The following PRMT8 variants were observed in gnomAD, a reference collection of about 807,000 sequenced individuals.
PRMT8 encodes the protein protein arginine N-methyltransferase 8.
PRMT8 carries 7 observed loss-of-function variants against 47.1 expected under a neutral mutation model. That is an observed-to-expected ratio of 0.15 (90% CI 0.08 to 0.28). PRMT8 has a LOEUF of 0.28. Among genes scored for constraint, PRMT8 ranks in the 10% least tolerant of loss-of-function variants. The pLI is 1.00. For missense variants in PRMT8, 237 were observed against 505.4 expected (o/e 0.47, Z 5.09); for synonymous variants, 188 against 186.5 (o/e 1.01, Z -0.07).
intron 1 of PRMT8, among the ~76,000 whole-genome samples, chr12:3,397,946 A>G (rs969994947): frequency 1.3e-5 from 2 of 152,198 alleles, no homozygotes; most frequent in African/African-American, 2.4e-5. Flanking sequence ...GGAAAAGCGC[A>G]GTATTCGGGT....
intron 8 of PRMT8, among the ~76,000 whole-genome samples, chr12:3,591,407 C>CT (rs34619063): frequency 0.27 from 31,729 of 115,686 alleles, 4,934 homozygotes; most frequent in East Asian, 0.38. Context: ...AGGGAAAGCT[C>CT]TTTTTTTTTT....
At position 3,566,144 on chromosome 12, in the gene PRMT8, G is replaced by T. The variant is rs574342235; in HGVS notation, c.482-2562G>T. On this transcript the variant is annotated intron_variant, in intron 4 of 9. Transcript: ENST00000382622. This position sits in a 1 kb window ranked among gnomAD's most constrained non-coding sequence, Gnocchi z 4.7. ...CAATTTTTAAGTTTACAAAACTAAGGCAAGCCAGGCTTTGCATGCAAATGA... is the reference window on the plus strand; with the variant it reads ...CAATTTTTAAGTTTACAAAACTAAGTCAAGCCAGGCTTTGCATGCAAATGA... Among the ~76,000 whole-genome samples, 6 of 152,320 alleles carry T rather than the reference G, an allele frequency of 3.9e-5. No homozygotes were observed. Among genetic ancestry groups the T allele is most frequent in the Admixed American group, 6.5e-5 (1 of 15,308 alleles).
At chr12:3,507,314 C>T (rs7311181) in intron 1 of PRMT8, among the ~76,000 whole-genome samples, 1 of 151,726 alleles carries the variant, frequency 6.6e-6, no homozygotes, top group South Asian at 2.1e-4. Context: ...GTAGAGATGG[C>T]GTTTCACCGT....
chr12:3,424,197 C>T (rs1164719603), intron 1 of PRMT8, among the ~76,000 whole-genome samples: 4 of 152,132 alleles, frequency 2.6e-5, no homozygotes, highest in East Asian at 1.9e-4. Flanking sequence ...GATATTTACT[C>T]GAGGATCCAG....
chr12:3,522,499 A>G (rs1865894276), intron 1 of PRMT8, among the ~76,000 whole-genome samples: 1 of 152,140 alleles, frequency 6.6e-6, no homozygotes, highest in African/African-American at 2.4e-5. Flanking sequence ...ACACATCTCT[A>G]CTAAAAATAC....
intron 1 of PRMT8, among the ~76,000 whole-genome samples, chr12:3,449,179 A>G (rs1036012450): frequency 6.6e-6 from 1 of 152,166 alleles, no homozygotes; most frequent in Non-Finnish European, 1.5e-5. Context: ...GCTATTGTGA[A>G]TGGTGCTGCA....
intron 1 of PRMT8, among the ~76,000 whole-genome samples, chr12:3,529,396 G>T (rs76262596): frequency 0.023 from 3,446 of 152,040 alleles, 133 homozygotes; most frequent in African/African-American, 0.078. Flanking sequence ...CTCATTGTTG[G>T]GTTGCTTGGG....
chr12:3,391,130 AT>A (rs1864188343), intron 1 of PRMT8, among the ~76,000 whole-genome samples: 1 of 151,766 alleles, frequency 6.6e-6, no homozygotes, highest in Non-Finnish European at 1.5e-5. Flanking sequence ...CCTGTGATTC[AT>A]TTTTTTCGGT....
chr12:3,404,868 T>C (rs534271806), intron 1 of PRMT8, among the ~76,000 whole-genome samples: 4 of 152,354 alleles, frequency 2.6e-5, no homozygotes, highest in African/African-American at 9.6e-5. Flanking sequence ...TTCTGGTGAA[T>C]TGACCACTTT....
Position 3,389,341 on chromosome 12 carries a change from G to A in PRMT8, c.48+7899G>A, listed in dbSNP as rs146855528. On this transcript the variant is annotated intron_variant, in intron 1 of 9. Coordinates refer to the PRMT8 transcript ENST00000452611. ...TGGAACGACAGATTCCATGCTTATC[G>A]CGCTGCAAAATCCCTAAGGTTACAT... Among the ~76,000 whole-genome samples, 378 of 152,190 alleles carry A rather than the reference G, an allele frequency of 2.5e-3. 1 individual carries two copies. Among genetic ancestry groups the A allele is most frequent in the Non-Finnish European group, 4.6e-3 (311 of 68,012 alleles).
chr12:3,450,467 C>T (rs1197972942), intron 1 of PRMT8, among the ~76,000 whole-genome samples: 3 of 152,210 alleles, frequency 2.0e-5, no homozygotes, highest in African/African-American at 4.8e-5. Flanking sequence ...ATAGCAGATG[C>T]AGGTTTTCCA....
chr12:3,464,361 A>AT (rs926024941), intron 1 of PRMT8, among the ~76,000 whole-genome samples: 15 of 152,294 alleles, frequency 9.8e-5, no homozygotes, highest in African/African-American at 3.6e-4. Context: ...AAGAAAAAAA[A>AT]CAAAAACCCT....
intron 1 of PRMT8, among the ~76,000 whole-genome samples, chr12:3,398,209 A>T (rs1864281100): frequency 1.3e-5 from 2 of 152,082 alleles, no homozygotes; most frequent in African/African-American, 4.8e-5. Context: ...AGCTGTTCCT[A>T]TTCGGCCATC....
rs200638155 is a variant in PRMT8, at chr12:3,459,243, A to G, written c.48+77801A>G. On this transcript the variant is annotated intron_variant, in intron 1 of 9. Transcript: ENST00000452611. ...AAACAGCTCCAGACTTGAGCTTGCC[A>G]CTGTCCTTCCTTGACCCCTCTTGGA... Among the ~76,000 whole-genome samples, 9 of 152,290 alleles carry G rather than the reference A, an allele frequency of 5.9e-5. 1 individual carries two copies. The East Asian group carries it at 1.5e-3, about 26-fold the overall frequency.
chr12:3,419,091 C>T (rs746572175), intron 1 of PRMT8, among the ~76,000 whole-genome samples: 76 of 152,228 alleles, frequency 5.0e-4, no homozygotes, highest in Non-Finnish European at 5.3e-4. Context: ...TTACATAGCA[C>T]TTCACCTCCT....
At chr12:3,397,874 G>A (rs370932699) in intron 1 of PRMT8, among the ~76,000 whole-genome samples, 17 of 152,336 alleles carry the variant, frequency 1.1e-4, no homozygotes, top group South Asian at 6.2e-4. Flanking sequence ...CTCCATGGGC[G>A]TAGGACCCTC....
intron 1 of PRMT8, among the ~76,000 whole-genome samples, chr12:3,385,893 G>A (rs970428743): frequency 6.2e-5 from 9 of 144,972 alleles, no homozygotes; most frequent in Admixed American, 2.9e-4. Context: ...CTGACTCTCC[G>A]TTCTTTTGTC....
rs965747969 is a variant in PRMT8, at chr12:3,436,809, A to C, written c.48+55367A>C. ...GATGGGAGAAGCGGATCCAGCAGGC[A>C]AGGCTGCGATTTCTCTCTACTGATG... On this transcript the variant is annotated intron_variant, in intron 1 of 9. Transcript: ENST00000452611. The surrounding 1 kb of genome is among the most constrained non-coding windows in gnomAD (Gnocchi z 4.2). 6.6e-6 allele frequency among the ~76,000 whole-genome samples: 1 copy of C among 152,230 alleles called. No homozygotes were observed. The highest frequency in any genetic ancestry group is 2.4e-5 in the African/African-American group (1 of 41,454).
intron 1 of PRMT8, among the ~76,000 whole-genome samples, chr12:3,511,050 C>A (rs908456379): frequency 3.3e-5 from 5 of 152,166 alleles, no homozygotes; most frequent in Non-Finnish European, 5.9e-5. Flanking sequence ...TAGGCTTACC[C>A]CTTAAATAAA....
Sources: allele counts gnomAD v4.1 joint callset (sites outside exome capture counted in the v4.1 genomes callset), GRCh38; gene constraint gnomAD v4.1.1; non-coding constraint Gnocchi (gnomAD v3.1); transcripts MANE v1.5; gene names NCBI Gene and HGNC (gene_info 2026-07-23, HGNC 2026-07-21).